Variants in ESRRB observed in about 807,000 individuals in gnomAD.
The protein encoded by ESRRB is steroid hormone receptor ERR2.
In ESRRB, 16 loss-of-function variants were observed where a neutral mutation model predicts 46.0. That is an observed-to-expected ratio of 0.35 (90% CI 0.24 to 0.53). The LOEUF (loss-of-function observed/expected upper bound fraction) is 0.53. ESRRB is among the 20% of genes least tolerant of loss of function. The pLI is 0.93. For synonymous variants in ESRRB, 246 were observed against 259.6 expected (o/e 0.95, Z 0.50); for missense variants, 488 against 607.4 (o/e 0.80, Z 2.07).
At chr14:76,408,631 A>G (rs1456339669) in intron 1 of ESRRB, among the ~76,000 whole-genome samples, 1 of 150,672 alleles carries the variant, frequency 6.6e-6, no homozygotes, top group African/African-American at 2.4e-5. Flanking sequence ...TAAGCACTAC[A>G]TAGAGCAGTG....
At chr14:76,338,366 C>T (rs1209344625) in intron 1 of ESRRB, among the ~76,000 whole-genome samples, 2 of 152,190 alleles carry the variant, frequency 1.3e-5, no homozygotes, top group Non-Finnish European at 2.9e-5. Context: ...GCCTCTCTGC[C>T]CCAGCTAGCA....
At chr14:76,381,511 A>C (rs971281415) in intron 1 of ESRRB, among the ~76,000 whole-genome samples, 5 of 152,064 alleles carry the variant, frequency 3.3e-5, no homozygotes, top group Non-Finnish European at 7.4e-5. Context: ...CTCTTGAGAC[A>C]CTGTCACCCT....
chr14:76,322,349 T>C (rs1008104556), intron 1 of ESRRB, among the ~76,000 whole-genome samples: 1 of 152,206 alleles, frequency 6.6e-6, no homozygotes, highest in African/African-American at 2.4e-5. Flanking sequence ...CCGGGAACCA[T>C]GTTGGAGAAT....
chr14:76,490,805 G>C (rs748080239), intron 5 of ESRRB, among the ~76,000 whole-genome samples: 3 of 152,180 alleles, frequency 2.0e-5, no homozygotes, highest in Non-Finnish European at 4.4e-5. Flanking sequence ...CCGGGAAGAG[G>C]GGCTCCGACC....
At chr14:76,342,097 G>C (rs879188503) in intron 1 of ESRRB, among the ~76,000 whole-genome samples, 1 of 152,184 alleles carries the variant, frequency 6.6e-6, no homozygotes, top group Admixed American at 6.5e-5. Context: ...ATACAGAGAA[G>C]GATAAGGTGA....
At chr14:76,458,484 G>C (rs970694794) in intron 2 of ESRRB, among the ~76,000 whole-genome samples, 4 of 74,504 alleles carry the variant, frequency 5.4e-5, no homozygotes, top group Non-Finnish European at 1.2e-4. Flanking sequence ...ACACACACAT[G>C]CATGCAGGCC....
intron 1 of ESRRB, among the ~76,000 whole-genome samples, chr14:76,405,488 C>T (rs1462641071): frequency 1.3e-5 from 2 of 152,106 alleles, no homozygotes; most frequent in African/African-American, 4.8e-5. Flanking sequence ...TGTAAGTTGC[C>T]TTGGGAAGTA....
intron 1 of ESRRB, among the ~76,000 whole-genome samples, chr14:76,438,547 C>T (rs1887769336): frequency 6.6e-6 from 1 of 151,944 alleles, no homozygotes; most frequent in Admixed American, 6.6e-5. Flanking sequence ...GCCTGTAATC[C>T]CAGCTACTTC....
At chr14:76,358,992 C>T (rs931695924) in intron 1 of ESRRB, among the ~76,000 whole-genome samples, 2 of 152,238 alleles carry the variant, frequency 1.3e-5, no homozygotes, top group African/African-American at 4.8e-5. Flanking sequence ...CCAGGTGATA[C>T]TGGCGCTGCT....
In ESRRB at chr14:76,411,256, T is replaced by G. The variant is rs1003020158; in HGVS notation, c.51-28085T>G. Among the ~76,000 whole-genome samples the G allele has an allele frequency of 2.5e-4, 38 of 151,998 alleles. 1 individual carries two copies. Among genetic ancestry groups the G allele is most frequent in the Non-Finnish European group, 4.4e-5 (3 of 67,950 alleles). On this transcript the variant is annotated intron_variant, in intron 1 of 6. Coordinates refer to ENST00000644823, the MANE Select transcript of ESRRB (RefSeq NM_001379180.1). ...TGAGGTCAGGAGTTCAAGACCAGCC[T>G]GATCAACATGGTGAAACCCCATCTC...
intron 1 of ESRRB, among the ~76,000 whole-genome samples, chr14:76,388,953 C>T (rs1374586230): frequency 2.0e-5 from 3 of 152,204 alleles, no homozygotes; most frequent in Non-Finnish European, 4.4e-5. Context: ...TTCCCGCAGG[C>T]ACCACACAGC....
chr14:76,430,753 G>C (rs950323542), intron 1 of ESRRB, among the ~76,000 whole-genome samples: 1 of 152,206 alleles, frequency 6.6e-6, no homozygotes, highest in Non-Finnish European at 1.5e-5. Context: ...TCTGCTACCA[G>C]CATGCAGGCT....
At chr14:76,311,004 CT>C in intron 1 of ESRRB, 1 of 436,056 alleles carries the variant, frequency 2.3e-6, no homozygotes. Context: ...CTCTCTCTCT[CT>C]CTCTCTCTCT....
chr14:76,421,785 T>TCCTCCCTCC (rs1886966127), intron 1 of ESRRB, among the ~76,000 whole-genome samples: 1 of 152,008 alleles, frequency 6.6e-6, no homozygotes, highest in Non-Finnish European at 1.5e-5. Flanking sequence ...CCTGTCACTC[T>TCCTCCCTCC]CCTCCCTCCC....
intron 3 of ESRRB, among the ~76,000 whole-genome samples, chr14:76,470,863 ATT>A (rs906072395): frequency 2.6e-5 from 4 of 151,900 alleles, no homozygotes; most frequent in African/African-American, 9.7e-5. Context: ...AATTTAAAAA[ATT>A]TTTTTTGTAG....
upstream of ESRRB, chr14:76,371,504 C>G (rs1280992205): frequency 6.6e-6 from 1 of 152,306 alleles, no homozygotes; most frequent in Non-Finnish European, 1.5e-5. Flanking sequence ...TGCCCTAGCC[C>G]TCACCCTGGG....
rs144174682 is a variant in ESRRB, at chr14:76,339,219, C to T, written c.2+28303C>T. ...TCTGAGCCTCTGCTGTGTGGCATCA[C>T]GGAAATCAGCATCGACTCCACTTGA... On this transcript the variant is annotated intron_variant, in intron 1 of 6. Transcript: ENST00000512784. 1.5e-3 allele frequency among the ~76,000 whole-genome samples: 230 copies of T among 152,290 alleles called. 1 individual carries two copies. The highest frequency in any genetic ancestry group is 2.3e-3 in the Non-Finnish European group (154 of 68,022).
intron 1 of ESRRB, among the ~76,000 whole-genome samples, chr14:76,355,208 T>G (rs1380052940): frequency 6.6e-6 from 1 of 152,120 alleles, no homozygotes; most frequent in Non-Finnish European, 1.5e-5. Flanking sequence ...CAAGTAGGGC[T>G]CAGAGAAGTT....
upstream of ESRRB, chr14:76,371,651 C>T (rs1169211665): frequency 6.6e-6 from 1 of 152,216 alleles, no homozygotes; most frequent in Non-Finnish European, 1.5e-5. Flanking sequence ...AGCTTGGCTT[C>T]AGGAAAATGG....
Sources: allele counts gnomAD v4.1 joint callset (sites outside exome capture counted in the v4.1 genomes callset), GRCh38; gene constraint gnomAD v4.1.1; transcripts MANE v1.5; gene names NCBI Gene and HGNC (gene_info 2026-07-23, HGNC 2026-07-21).